Variants in TEX264 observed in about 807,000 individuals in gnomAD.
TEX264 encodes the protein testis-expressed protein 264.
Under a neutral mutation model 23.4 loss-of-function variants are expected in TEX264, and 13 were observed. That is an observed-to-expected ratio of 0.56 (90% CI 0.36 to 0.88). TEX264 has a LOEUF of 0.88. Ranked by LOEUF, TEX264 falls within the 40% of genes least tolerant of loss-of-function variation. The pLI is 0.01. For missense variants in TEX264, 340 were observed against 406.8 expected, an observed-to-expected ratio of 0.84 and a Z score of 1.41; for synonymous variants, 159 against 170.0, an observed-to-expected ratio of 0.94 and a Z score of 0.50.
chr3:51,700,844 G>C (rs1263886800), intron 4 of TEX264, among the ~76,000 whole-genome samples: 2 of 152,036 alleles, frequency 1.3e-5, no homozygotes, highest in African/African-American at 4.8e-5. Context: ...TGGTGTTGGG[G>C]CCAAGGGGTC....
At position 51,691,312 on chromosome 3, in the gene TEX264, G is replaced by A. The variant is rs1475895179; in HGVS notation, c.480+6678G>A. On this transcript the variant is annotated intron_variant, in intron 3 of 4. Transcript: ENST00000341333. The surrounding 1 kb of genome is among the most constrained non-coding windows in gnomAD (Gnocchi z 4.4). ...CTTCCCTCCCTGGATCTCAAGGGCT[G>A]GCTTACCTGCTGGTACTGCCACCTG... 2.0e-5 allele frequency among the ~76,000 whole-genome samples: 3 copies of A among 152,182 alleles called. 1 individual carries two copies.
intron 3 of TEX264, among the ~76,000 whole-genome samples, chr3:51,694,222 C>G (rs1702970799): frequency 1.3e-5 from 2 of 152,038 alleles, no homozygotes; most frequent in Admixed American, 1.3e-4. Context: ...CCTCCATCTC[C>G]CGCATTCAAG....
chr3:51,693,452 G>A (rs556571349), intron 3 of TEX264, among the ~76,000 whole-genome samples: 1 of 150,784 alleles, frequency 6.6e-6, no homozygotes, highest in East Asian at 2.0e-4. Flanking sequence ...CCCCAAGAGG[G>A]CCATTATATC....
Position 51,703,213 on chromosome 3 carries a change from C to T in TEX264, c.650-511C>T, listed in dbSNP as rs145322604. Among the ~76,000 whole-genome samples, 974 of 152,326 alleles carry T rather than the reference C, an allele frequency of 6.4e-3. 5 individuals are homozygous for T. Among genetic ancestry groups the T allele is most frequent in the African/African-American group, 0.02 (816 of 41,584 alleles). On this transcript the variant is annotated intron_variant, in intron 4 of 4. Transcript: ENST00000341333. This position sits in a 1 kb window ranked among gnomAD's most constrained non-coding sequence, Gnocchi z 4.8. ...GGATGCTGCTCCTGGGAGCCCTGCA[C>T]GGGGGAGGGCTGCAGAGGGGCCTCC...
At chr3:51,696,355 C>T (rs1207090562) in intron 3 of TEX264, among the ~76,000 whole-genome samples, 1 of 152,194 alleles carries the variant, frequency 6.6e-6, no homozygotes. Flanking sequence ...GTCTGCTCTC[C>T]AAGGGCTCCC....
chr3:51,693,465 G>A (rs965249283), intron 3 of TEX264, among the ~76,000 whole-genome samples: 2 of 146,186 alleles, frequency 1.4e-5, no homozygotes, highest in East Asian at 2.0e-4. Context: ...ATTATATCTC[G>A]TTTCCATTAT....
chr3:51,674,678 G>A lies in TEX264; in HGVS notation c.258+116G>A, dbSNP rs1577490089. The stretch of plus-strand genomic sequence containing the variant: ...GTGGGAGAATCTTCAAGCTGGCCCT[G>A]CAGACCCCTCCTCTATGAGCTTGAA... On this transcript the variant is annotated intron_variant, in intron 2 of 4. Transcript: ENST00000341333. 2.4e-6 allele frequency: 3 copies of A among 1,255,354 alleles called. No individual in the cohort carries two copies. The East Asian group carries it at 7.2e-5, about 30-fold the overall frequency. 77.8% of individuals were successfully genotyped at this position (1,255,354 alleles called of 1,614,324 possible).
chr3:51,703,776 C>A lies in TEX264; in HGVS notation c.702C>A (p.Gly234=), dbSNP rs776111929. Residue 234 remains glycine, a synonymous_variant, in exon 5 of 5, where the codon GGC becomes GGA. Coordinates refer to ENST00000341333, the MANE Select transcript of TEX264 (RefSeq NM_015926.6). This position sits in a 1 kb window ranked among gnomAD's most constrained non-coding sequence, Gnocchi z 4.8. ...TSSVSLEVSP[G]SRETSAATLS... ...CTGTAAGCTTGGAAGTGAGCCCTGGCAGCCGGGAGACTTCAGCTGCCACAC... is the reference window on the plus strand; with the variant it reads ...CTGTAAGCTTGGAAGTGAGCCCTGGAAGCCGGGAGACTTCAGCTGCCACAC... 1 of 1,608,010 alleles carries A rather than the reference C, an allele frequency of 6.2e-7. No homozygotes were observed. Among genetic ancestry groups the A allele is most frequent in the Non-Finnish European group, 8.5e-7 (1 of 1,175,364 alleles).
chr3:51,679,590 G>T (rs1032215131), intron 2 of TEX264, among the ~76,000 whole-genome samples: 1 of 152,168 alleles, frequency 6.6e-6, no homozygotes, highest in Non-Finnish European at 1.5e-5. Flanking sequence ...TGGCTGAATG[G>T]CTTGGTTGTC....
intron 2 of TEX264, among the ~76,000 whole-genome samples, chr3:51,676,042 C>T (rs1684354348): frequency 1.3e-5 from 2 of 152,288 alleles, no homozygotes; most frequent in Admixed American, 1.3e-4. Flanking sequence ...TGAGGTTTTG[C>T]AGTCACATGG....
At chr3:51,680,880 G>A (rs879000725) in intron 2 of TEX264, among the ~76,000 whole-genome samples, 1 of 152,234 alleles carries the variant, frequency 6.6e-6, no homozygotes, top group African/African-American at 2.4e-5. Context: ...CCTTTTCCCT[G>A]GAGGCGGGTC....
intron 3 of TEX264, among the ~76,000 whole-genome samples, chr3:51,687,759 T>G (rs1244330723): frequency 6.6e-6 from 1 of 152,078 alleles, no homozygotes; most frequent in Non-Finnish European, 1.5e-5. Context: ...GCTTCGGGTT[T>G]GGGAGGTGGA....
Position 51,680,403 on chromosome 3 carries a change from C to T in TEX264, c.259-4010C>T, listed in dbSNP as rs529116477. Among the ~76,000 whole-genome samples the T allele has an allele frequency of 1.5e-4, 23 of 152,334 alleles. No individual in the cohort carries two copies. In the South Asian group the frequency reaches 4.8e-3, roughly 32 times the overall value. On this transcript the variant is annotated intron_variant, in intron 2 of 4. Coordinates refer to ENST00000341333, the MANE Select transcript of TEX264 (RefSeq NM_015926.6). ...GTCGGCAGGGCACTGTGACACCACT[C>T]AGGAAGGGGCAGTGGGGCCAGCCTT...
In TEX264 at chr3:51,689,468, G is replaced by A. The variant is rs1702747022; in HGVS notation, c.480+4834G>A. Among the ~76,000 whole-genome samples the A allele has an allele frequency of 4.1e-5, 6 of 146,808 alleles. No homozygotes were observed. The South Asian group carries it at 6.4e-4, about 16-fold the overall frequency. On this transcript the variant is annotated intron_variant, in intron 3 of 4. Transcript: ENST00000341333. ...TAAAAACATTAAAAAAAAAAAAAAA[G>A]GGAAGGAAGGAAGTAAAGTAAGAAA...
chr3:51,674,429 C>G lies in TEX264; in HGVS notation c.125C>G (p.Pro42Arg). 1 of 1,614,200 alleles carries G rather than the reference C, an allele frequency of 6.2e-7. No homozygotes were observed. Among genetic ancestry groups the G allele is most frequent in the Non-Finnish European group, 8.5e-7 (1 of 1,180,042 alleles). The change falls in exon 2 of 5, where the codon CCC becomes CGC. Residue 42 changes from proline (P) to arginine (R), a missense_variant. Coordinates refer to ENST00000341333, the MANE Select transcript of TEX264 (RefSeq NM_015926.6). ...AGVEVSAGSP[P>R]IRNVTVAYKF... The stretch of plus-strand genomic sequence containing the variant: ...GTGGAAGTGAGTGCTGGGTCACCCC[C>G]CATCCGCAACGTCACTGTGGCCTAC...
At chr3:51,671,946 G>A (rs6771491) in intron 1 of TEX264, 133,645 of 152,280 alleles carry the variant, frequency 0.88, 58,793 homozygotes, top group East Asian at 0.94. Context: ...CGGAGGGGGA[G>A]CCGAGGCTAG....
chr3:51,700,748 C>G (rs1028027366), intron 4 of TEX264, among the ~76,000 whole-genome samples: 1 of 151,996 alleles, frequency 6.6e-6, no homozygotes, highest in East Asian at 1.9e-4. Context: ...TGCTTGGCAC[C>G]CACTACAGCT....
intron 3 of TEX264, chr3:51,694,512 C>T (rs1328508460): frequency 1.3e-5 from 2 of 152,378 alleles, no homozygotes; most frequent in Non-Finnish European, 2.9e-5. Context: ...CAAGTACTAA[C>T]TAGACCCGAC....
intron 2 of TEX264, chr3:51,681,434 G>A (rs1468430913): frequency 1.3e-5 from 2 of 152,326 alleles, no homozygotes; most frequent in Non-Finnish European, 2.9e-5. Flanking sequence ...CTCCCTGGTG[G>A]GTACTTGGGA....
Sources: allele counts gnomAD v4.1 joint callset (sites outside exome capture counted in the v4.1 genomes callset), GRCh38; gene constraint gnomAD v4.1.1; non-coding constraint Gnocchi (gnomAD v3.1); transcripts MANE v1.5; gene names NCBI Gene and HGNC (gene_info 2026-07-23, HGNC 2026-07-21).